Variants in SPATA7 observed in about 807,000 individuals in gnomAD.
The protein encoded by SPATA7 is spermatogenesis associated 7.
In SPATA7, 43 loss-of-function variants were observed where a neutral mutation model predicts 51.8. That is an observed-to-expected ratio of 0.83 (90% confidence interval 0.65 to 1.07). The LOEUF is 1.07. SPATA7 is among the 50% of genes least tolerant of loss of function. The pLI is 0.00. For missense variants in SPATA7, 683 were observed against 701.3 expected (o/e 0.97, Z 0.30); for synonymous variants, 230 against 252.8 (o/e 0.91, Z 0.86).
Position 88,469,861 on chromosome 14 carries a change from T to A in SPATA7, c.270T>A (p.Asp90Glu). Residue 90 changes from aspartate to glutamate, a missense_variant, in exon 5 of 5, where the codon GAT (aspartate) becomes GAA (glutamate). Coordinates refer to the SPATA7 transcript ENST00000556406. The surrounding 1 kb of genome is among the most constrained non-coding windows in gnomAD (Gnocchi z 4.3). ...TTTCTCCACAGGTCAGGATTCCAGA[T>A]GATTAACATTAACTGTTCTTCAGAG... 6.2e-7 allele frequency: 1 copy of A among 1,610,230 alleles called. No homozygotes were observed. Among genetic ancestry groups the A allele is most frequent in the Non-Finnish European group, 8.5e-7 (1 of 1,176,720 alleles).
intron 7 of SPATA7, chr14:88,428,639 G>A (rs2076859552): frequency 6.6e-6 from 1 of 152,170 alleles, no homozygotes; most frequent in African/African-American, 2.4e-5. Context: ...GAAATTTTTG[G>A]AAAGAGTTAG....
chr14:88,459,782 AT>A (rs1317170316), downstream of SPATA7, among the ~76,000 whole-genome samples: 2 of 152,156 alleles, frequency 1.3e-5, no homozygotes, highest in Admixed American at 6.5e-5. Flanking sequence ...TATTTTGCTC[AT>A]TAGTTGATGC....
intron 4 of SPATA7, among the ~76,000 whole-genome samples, chr14:88,408,277 T>C (rs956550873): frequency 6.6e-6 from 1 of 152,194 alleles, no homozygotes; most frequent in African/African-American, 2.4e-5. Context: ...GTGTCCTCTC[T>C]TATTTCCTTG....
chr14:88,411,865 C>T (rs1425266439), intron 4 of SPATA7, among the ~76,000 whole-genome samples: 2 of 152,046 alleles, frequency 1.3e-5, no homozygotes, highest in African/African-American at 4.8e-5. Flanking sequence ...GGGGTTTATA[C>T]ATGGTAATGG....
chr14:88,469,536 A>AG lies in SPATA7; in HGVS notation c.255-309dup, dbSNP rs761655165. On this transcript the variant is annotated intron_variant, in intron 4 of 4. Transcript: ENST00000556406. The surrounding 1 kb of genome is among the most constrained non-coding windows in gnomAD (Gnocchi z 4.3). ...TGAGGTCTTCTGGACAGCCATGTTC[A>AG]GGCCAGTCTGTGTATTGGAGGTGCC... 2.5e-6 allele frequency: 4 copies of AG among 1,614,200 alleles called. No individual in the cohort carries two copies. In the South Asian group the frequency reaches 4.4e-5, roughly 18 times the overall value.
chr14:88,444,270 C>A (rs532358506), intron 3 of SPATA7, among the ~76,000 whole-genome samples: 1 of 152,278 alleles, frequency 6.6e-6, no homozygotes, highest in East Asian at 1.9e-4. Flanking sequence ...TTTTTGGCTG[C>A]ATAAATGTCT....
At chr14:88,449,016 CTTTG>C (rs796343757) in intron 3 of SPATA7, among the ~76,000 whole-genome samples, 1 of 152,050 alleles carries the variant, frequency 6.6e-6, no homozygotes, top group African/African-American at 2.4e-5. Context: ...AGAACCAGCT[CTTTG>C]TTTATCTTTT....
At chr14:88,390,024 G>C (rs1245243131) in intron 1 of SPATA7, among the ~76,000 whole-genome samples, 1 of 152,204 alleles carries the variant, frequency 6.6e-6, no homozygotes, top group African/African-American at 2.4e-5. Flanking sequence ...CTTGGGTTCA[G>C]ATCCCAAATC....
chr14:88,433,630 G>A (rs546515180), intron 10 of SPATA7, among the ~76,000 whole-genome samples: 2 of 152,268 alleles, frequency 1.3e-5, no homozygotes, highest in Admixed American at 1.3e-4. Context: ...AGCTAGGTTT[G>A]CACGCTGTAA....
downstream of SPATA7, among the ~76,000 whole-genome samples, chr14:88,460,014 C>T (rs1295173019): frequency 6.6e-6 from 1 of 151,608 alleles, no homozygotes; most frequent in Non-Finnish European, 1.5e-5. Context: ...GTTGAAAATT[C>T]GTTTAAGAAT....
intron 4 of SPATA7, among the ~76,000 whole-genome samples, chr14:88,403,475 A>G (rs2076124049): frequency 6.6e-6 from 1 of 152,184 alleles, no homozygotes; most frequent in African/African-American, 2.4e-5. Flanking sequence ...AAGAAATACT[A>G]CACACACATA....
intron 5 of SPATA7, among the ~76,000 whole-genome samples, chr14:88,425,082 A>G (rs112732804): frequency 0.041 from 6,283 of 152,292 alleles, 170 homozygotes; most frequent in South Asian, 0.1. Flanking sequence ...CCTCTGTTCA[A>G]ATCTGTGAGA....
chr14:88,449,519 T>G (rs541956815), intron 3 of SPATA7, among the ~76,000 whole-genome samples: 28 of 152,182 alleles, frequency 1.8e-4, no homozygotes, highest in Non-Finnish European at 3.7e-4. Context: ...TTGGAGAATG[T>G]TTCATGTGCT....
chr14:88,451,522 A>G (rs1226733788), intron 3 of SPATA7, among the ~76,000 whole-genome samples: 1 of 141,218 alleles, frequency 7.1e-6, no homozygotes, highest in Non-Finnish European at 1.5e-5. Flanking sequence ...TTCATATCCT[A>G]TATCTTTTTT....
intron 10 of SPATA7, 138 bp downstream of exon 10, chr14:88,433,350 T>C (rs1424255129): frequency 1.4e-5 from 9 of 647,926 alleles, no homozygotes; most frequent in Admixed American, 5.6e-5. Context: ...TGGAAACTTA[T>C]TATTATAATT....
chr14:88,418,376 C>G (rs139796459), intron 5 of SPATA7, among the ~76,000 whole-genome samples: 1 of 152,112 alleles, frequency 6.6e-6, no homozygotes, highest in Non-Finnish European at 1.5e-5. Context: ...ATAAATTTTC[C>G]ACCAAGTACA....
intron 4 of SPATA7, among the ~76,000 whole-genome samples, chr14:88,460,997 A>G (rs2077313792): frequency 6.6e-6 from 1 of 152,174 alleles, no homozygotes. Flanking sequence ...TTGCCTGGGT[A>G]TCAGCAGCAG....
At chr14:88,425,219 C>T (rs1359094016) in intron 5 of SPATA7, among the ~76,000 whole-genome samples, 2 of 152,104 alleles carry the variant, frequency 1.3e-5, no homozygotes, top group Non-Finnish European at 2.9e-5. Context: ...ACATAGTAAG[C>T]ACACCATACA....
At chr14:88,439,240 A>C (rs1043158688), downstream of SPATA7, among the ~76,000 whole-genome samples, 5 of 152,070 alleles carry the variant, frequency 3.3e-5, no homozygotes, top group African/African-American at 1.2e-4. Flanking sequence ...GCAATATCTA[A>C]AGCCTCAAGG....
Sources: allele counts gnomAD v4.1 joint callset (sites outside exome capture counted in the v4.1 genomes callset), GRCh38; gene constraint gnomAD v4.1.1; non-coding constraint Gnocchi (gnomAD v3.1); transcripts MANE v1.5; gene names NCBI Gene and HGNC (gene_info 2026-07-23, HGNC 2026-07-21).